Variants in RNF152 observed in about 807,000 individuals in gnomAD.
The protein encoded by RNF152 is E3 ubiquitin-protein ligase RNF152.
In RNF152, 11 loss-of-function variants were observed where a neutral mutation model predicts 12.7. The ratio of observed to expected loss-of-function variants is 0.86; its 90% CI spans 0.54 to 1.43. RNF152 has a LOEUF of 1.43. Among genes scored for constraint, RNF152 ranks in the 40% most tolerant of loss-of-function variants. RNF152 has a pLI of 0.00. For synonymous variants in RNF152, 113 were observed against 120.3 expected (o/e 0.94, Z 0.40); for missense variants, 255 against 274.8 (o/e 0.93, Z 0.51).
chr18:61,872,071 C>T (rs952580485), intron 1 of RNF152, among the ~76,000 whole-genome samples: 2 of 152,062 alleles, frequency 1.3e-5, no homozygotes, highest in African/African-American at 4.8e-5. Context: ...TCTGGGGAGG[C>T]CTCAGGAAAC....
At chr18:61,863,786 T>A (rs1460942016) in intron 1 of RNF152, among the ~76,000 whole-genome samples, 1 of 152,226 alleles carries the variant, frequency 6.6e-6, no homozygotes, top group East Asian at 1.9e-4. Flanking sequence ...TGGACAAATC[T>A]CTTCCCCAAA....
intron 1 of RNF152, among the ~76,000 whole-genome samples, chr18:61,873,697 T>C (rs1912094370): frequency 6.6e-6 from 1 of 152,192 alleles, no homozygotes; most frequent in East Asian, 1.9e-4. Context: ...ACCACCACCA[T>C]TTGTTTCTTT....
chr18:61,825,956 G>A (rs1043663370), intron 1 of RNF152, among the ~76,000 whole-genome samples: 2 of 151,720 alleles, frequency 1.3e-5, no homozygotes, highest in African/African-American at 4.8e-5. Flanking sequence ...TTTTATCTAT[G>A]TCAGGGACCC....
rs1235316284 is a variant in RNF152 at position 61,809,774 on chromosome 18, C to T, written c.*6078G>A. 6.8e-6 allele frequency: 1 copy of T among 147,502 alleles called. No homozygotes were observed. The highest frequency in any genetic ancestry group is 2.5e-5 in the African/African-American group (1 of 39,636). 9.1% of individuals were successfully genotyped at this position (147,502 alleles called of 1,614,324 possible). ...AAACCTTAGATTAGAATAATAAAAT[C>T]GAGCTAATGAGATGAGTATTTCAAG... On this transcript the variant is annotated 3_prime_UTR_variant, in exon 2 of 2. Transcript: ENST00000312828.
chr18:61,859,649 C>A (rs1175040525), intron 1 of RNF152, among the ~76,000 whole-genome samples: 1 of 152,106 alleles, frequency 6.6e-6, no homozygotes, highest in African/African-American at 2.4e-5. Context: ...GAGGCCGAGG[C>A]GGGCAGATCA....
Position 61,811,885 on chromosome 18 carries a change from A to G in RNF152, c.*3967T>C, listed in dbSNP as rs1039259951. 1.3e-5 allele frequency: 2 copies of G among 152,222 alleles called. No individual in the cohort carries two copies. The highest frequency in any genetic ancestry group is 2.9e-5 in the Non-Finnish European group (2 of 68,046). The allele number at this position is 152,222 out of a possible 1,614,324, so 9.4% of individuals were successfully genotyped here. On this transcript the variant is annotated 3_prime_UTR_variant, in exon 2 of 2. Transcript: ENST00000312828. The stretch of plus-strand genomic sequence containing the variant: ...ACAATAGGTTAACATGCAGCTAATG[A>G]TCCCAGAAAAGGGGCTTAATAAAGC...
intron 1 of RNF152, among the ~76,000 whole-genome samples, chr18:61,819,163 C>T (rs1568261827): frequency 2.0e-5 from 3 of 152,310 alleles, no homozygotes; most frequent in East Asian, 3.9e-4. Flanking sequence ...AGAGTTTGAT[C>T]GTTTTAGCCC....
chr18:61,889,690 GGTGACCCAA>G (rs1419389359), intron 1 of RNF152, among the ~76,000 whole-genome samples: 3 of 152,088 alleles, frequency 2.0e-5, no homozygotes, highest in Admixed American at 1.3e-4. Flanking sequence ...GTAACAAAAG[GGTGACCCAA>G]GGTTACCCTA....
intron 1 of RNF152, among the ~76,000 whole-genome samples, chr18:61,864,880 C>T (rs764078818): frequency 2.0e-4 from 31 of 152,108 alleles, no homozygotes; most frequent in Non-Finnish European, 4.0e-4. Flanking sequence ...ATTAGCCAGG[C>T]GTGGTGGCGC....
At chr18:61,865,707 A>G (rs1439152561) in intron 1 of RNF152, among the ~76,000 whole-genome samples, 1 of 152,174 alleles carries the variant, frequency 6.6e-6, no homozygotes, top group African/African-American at 2.4e-5. Flanking sequence ...TCAGAAAAGA[A>G]TTTTCTGAAC....
intron 1 of RNF152, among the ~76,000 whole-genome samples, chr18:61,818,431 AAAAAAACAAAAAAC>A (rs780239790): frequency 1.3e-5 from 2 of 152,204 alleles, no homozygotes; most frequent in Non-Finnish European, 2.9e-5. Context: ...TCAAATTAAA[AAAAAAACAAAAAAC>A]AAAAAACAAG....
chr18:61,838,115 A>C (rs4131216), intron 1 of RNF152, among the ~76,000 whole-genome samples: 1 of 151,992 alleles, frequency 6.6e-6, no homozygotes, highest in Non-Finnish European at 1.5e-5. Context: ...ATCAGTCCCT[A>C]TGAAACAATT....
chr18:61,868,983 G>A lies in RNF152; in HGVS notation c.-136+23812C>T, dbSNP rs1436036528. ...TTCTTAGGGTTCCCAGTTTCATGAT[G>A]AGAGTAACTAAAAAGCATTCACCAT... On this transcript the variant is annotated intron_variant, in intron 1 of 1. Coordinates refer to ENST00000312828, the MANE Select transcript of RNF152 (RefSeq NM_173557.3). Among the ~76,000 whole-genome samples, 8 of 152,300 alleles carry A rather than the reference G, an allele frequency of 5.3e-5. No homozygotes were observed. The East Asian group carries it at 1.3e-3, about 26-fold the overall frequency.
intron 1 of RNF152, among the ~76,000 whole-genome samples, chr18:61,830,790 C>G (rs1909906234): frequency 1.3e-5 from 2 of 152,068 alleles, no homozygotes; most frequent in Admixed American, 1.3e-4. Flanking sequence ...TCCCTGATTT[C>G]TCAGTGAGGC....
intron 1 of RNF152, among the ~76,000 whole-genome samples, chr18:61,869,191 T>C (rs1322769237): frequency 6.6e-6 from 1 of 152,166 alleles, no homozygotes; most frequent in Non-Finnish European, 1.5e-5. Flanking sequence ...AAAACCCTAA[T>C]TAGTAAAATC....
chr18:61,889,678 A>G (rs906276499), intron 1 of RNF152, among the ~76,000 whole-genome samples: 3 of 152,128 alleles, frequency 2.0e-5, no homozygotes, highest in South Asian at 2.1e-4. Context: ...CTAAACATCA[A>G]AGTAACAAAA....
intron 1 of RNF152, among the ~76,000 whole-genome samples, chr18:61,858,311 C>T (rs190146477): frequency 1.3e-5 from 2 of 151,944 alleles, no homozygotes; most frequent in Admixed American, 1.3e-4. Context: ...CTCCCCCAAG[C>T]CCTCTGGAAC....
At chr18:61,835,886 T>C (rs1040607955) in intron 1 of RNF152, among the ~76,000 whole-genome samples, 6 of 152,134 alleles carry the variant, frequency 3.9e-5, no homozygotes, top group African/African-American at 9.7e-5. Context: ...AGCAACCAGA[T>C]TGATATTGTC....
intron 1 of RNF152, among the ~76,000 whole-genome samples, chr18:61,820,122 G>A (rs1397497843): frequency 6.6e-6 from 1 of 150,926 alleles, no homozygotes; most frequent in Non-Finnish European, 1.5e-5. Flanking sequence ...GAGGTCAGGA[G>A]ATCGAGACCA....
Sources: allele counts gnomAD v4.1 joint callset (sites outside exome capture counted in the v4.1 genomes callset), GRCh38; gene constraint gnomAD v4.1.1; transcripts MANE v1.5; gene names NCBI Gene and HGNC (gene_info 2026-07-23, HGNC 2026-07-21).